DOCK1: variants seen among roughly 807,000 people sequenced by gnomAD.
The protein encoded by DOCK1 is dedicator of cytokinesis protein 1.
In DOCK1, 138 loss-of-function variants were observed where a neutral mutation model predicts 262.7. The observed-to-expected ratio is 0.53, with a 90% confidence interval of 0.46 to 0.61. The LOEUF is 0.61. Ranked by LOEUF, DOCK1 falls within the 20% of genes least tolerant of loss-of-function variation. The pLI, the probability that DOCK1 is intolerant of heterozygous loss-of-function variation, is 0.00. For missense variants in DOCK1, 1,908 were observed against 2,370.7 expected (o/e 0.80, Z 4.05); for synonymous variants, 866 against 867.4 (o/e 1.00, Z 0.03).
At chr10:127,275,944 G>C (rs2060725453) in intron 29 of DOCK1, among the ~76,000 whole-genome samples, 2 of 152,234 alleles carry the variant, frequency 1.3e-5, no homozygotes, top group Non-Finnish European at 2.9e-5. Flanking sequence ...GCCCACGCAT[G>C]GCGTACAGGC....
intron 30 of DOCK1, among the ~76,000 whole-genome samples, chr10:127,340,517 G>A (rs1190794903): frequency 6.6e-6 from 1 of 152,122 alleles, no homozygotes; most frequent in Non-Finnish European, 1.5e-5. Context: ...CCTAGAGGCT[G>A]TTTCCAGGTG....
At chr10:127,377,782 C>G (rs2065587136) in intron 35 of DOCK1, among the ~76,000 whole-genome samples, 2 of 151,174 alleles carry the variant, frequency 1.3e-5, no homozygotes, top group African/African-American at 4.9e-5. Context: ...ATCCCAGGTA[C>G]TCGGGAGGCT....
intron 23 of DOCK1, among the ~76,000 whole-genome samples, chr10:127,102,074 G>A (rs1457725824): frequency 6.6e-6 from 1 of 152,152 alleles, no homozygotes; most frequent in Non-Finnish European, 1.5e-5. Context: ...GAAGGACAGG[G>A]CAAACACTGA....
chr10:127,054,065 A>G (rs1953965), intron 22 of DOCK1, among the ~76,000 whole-genome samples: 142,170 of 152,294 alleles, frequency 0.93, 66,369 homozygotes, highest in African/African-American at 0.96. Context: ...TAACCTATTA[A>G]CGAGAATAAG....
chr10:127,373,279 A>G (rs1339929843), intron 33 of DOCK1, among the ~76,000 whole-genome samples: 2 of 152,066 alleles, frequency 1.3e-5, no homozygotes, highest in African/African-American at 2.4e-5. Flanking sequence ...TGCTCTTTAG[A>G]ACATTTTTTC....
At chr10:127,180,103 G>A (rs1333585240) in intron 27 of DOCK1, among the ~76,000 whole-genome samples, 1 of 152,220 alleles carries the variant, frequency 6.6e-6, no homozygotes, top group Non-Finnish European at 1.5e-5. Flanking sequence ...AAGGAACTCT[G>A]TAACTTGAAG....
intron 23 of DOCK1, 134 bp from the exon 24 acceptor site, chr10:127,106,097 A>C: frequency 2.3e-6 from 2 of 864,288 alleles, no homozygotes; most frequent in Non-Finnish European, 3.5e-6. Context: ...TCATCGTGTT[A>C]GCCGTCAGCC....
intron 21 of DOCK1, among the ~76,000 whole-genome samples, chr10:127,050,537 CCT>C (rs35178413): frequency 0.17 from 25,542 of 151,564 alleles, 2,288 homozygotes; most frequent in South Asian, 0.32. Context: ...ATGGTGAAAC[CCT>C]GTCTCTACTA....
intron 33 of DOCK1, among the ~76,000 whole-genome samples, chr10:127,365,257 GA>G (rs1483148866): frequency 6.6e-6 from 1 of 152,224 alleles, no homozygotes; most frequent in African/African-American, 2.4e-5. Flanking sequence ...AATTTATTTT[GA>G]AAATTTTCCC....
chr10:127,241,708 G>T (rs991676625), intron 27 of DOCK1, among the ~76,000 whole-genome samples: 1 of 152,108 alleles, frequency 6.6e-6, no homozygotes, highest in East Asian at 1.9e-4. Flanking sequence ...TTGCTGATAT[G>T]CTGGGAGCTG....
In DOCK1 at chr10:127,216,696, A is replaced by G. The variant is rs1335708140; in HGVS notation, c.2848-31312A>G. Among the ~76,000 whole-genome samples the G allele has an allele frequency of 6.6e-5, 10 of 152,192 alleles. No individual in the cohort carries two copies. In the East Asian group the frequency reaches 1.7e-3, roughly 26 times the overall value. ...CAACCGCCCCAGAGCTTTGCTGTTC[A>G]GGAAACATAGGCATATCTCAAAGTA... is the stretch of plus-strand genomic sequence containing the variant. On this transcript the variant is annotated intron_variant, in intron 27 of 51. Coordinates refer to ENST00000623213, the MANE Select transcript of DOCK1 (RefSeq NM_001290223.2).
chr10:127,291,775 C>T (rs887389416), intron 29 of DOCK1, among the ~76,000 whole-genome samples: 5 of 152,170 alleles, frequency 3.3e-5, no homozygotes, highest in African/African-American at 1.2e-4. Flanking sequence ...TTATAGCCTA[C>T]GTAGAGAGAA....
At chr10:127,411,730 T>C (rs10830002) in intron 43 of DOCK1, among the ~76,000 whole-genome samples, 92,394 of 151,532 alleles carry the variant, frequency 0.61, 28,595 homozygotes, top group East Asian at 0.73. Flanking sequence ...ATCCCAGCTA[T>C]TTGGGAGGCT....
At chr10:127,053,507 C>T (rs780140259) in intron 22 of DOCK1, among the ~76,000 whole-genome samples, 1 of 152,206 alleles carries the variant, frequency 6.6e-6, no homozygotes, top group Non-Finnish European at 1.5e-5. Flanking sequence ...GAAGGATACT[C>T]AGGTGCTTTA....
intron 27 of DOCK1, among the ~76,000 whole-genome samples, chr10:127,237,436 G>A (rs748020975): frequency 3.3e-5 from 5 of 151,222 alleles, no homozygotes; most frequent in Non-Finnish European, 7.4e-5. Flanking sequence ...ATCCATATTT[G>A]GCAGGGAAGC....
intron 32 of DOCK1, among the ~76,000 whole-genome samples, chr10:127,358,634 T>G (rs945389866): frequency 1.3e-5 from 2 of 152,182 alleles, no homozygotes; most frequent in African/African-American, 4.8e-5. Flanking sequence ...ATATTTTTCA[T>G]GCAGGGATTC....
intron 1 of DOCK1, among the ~76,000 whole-genome samples, chr10:126,956,885 G>T (rs890783053): frequency 7.2e-6 from 1 of 139,100 alleles, no homozygotes; most frequent in Non-Finnish European, 1.5e-5. Context: ...CCTGAGCAGT[G>T]GGGGGCCACC....
chr10:127,361,347 C>G (rs1316307185), intron 32 of DOCK1, among the ~76,000 whole-genome samples: 3 of 152,062 alleles, frequency 2.0e-5, no homozygotes, highest in Non-Finnish European at 4.4e-5. Context: ...ATCTCCTGAC[C>G]TCGTGATCTG....
At chr10:127,424,497 T>C (rs567025507) in intron 46 of DOCK1, among the ~76,000 whole-genome samples, 18 of 152,298 alleles carry the variant, frequency 1.2e-4, no homozygotes, top group Admixed American at 5.9e-4. Flanking sequence ...GTGGCTGTGC[T>C]TTCACCTTGC....
Sources: gnomAD v4.1 joint callset for allele counts (sites outside exome capture counted in the v4.1 genomes callset) on GRCh38, gnomAD v4.1.1 for gene constraint, MANE v1.5 for transcripts, NCBI Gene and HGNC (gene_info 2026-07-23, HGNC 2026-07-21) for gene names.